XKR4: variants seen among roughly 807,000 people sequenced by gnomAD.
XKR4 encodes XK-related protein 4.
A neutral mutation model predicts 53.9 loss-of-function variants in XKR4; 12 were observed. That is an observed-to-expected ratio of 0.22 (90% CI 0.14 to 0.36). XKR4 has a LOEUF of 0.36. Ranked by LOEUF, XKR4 falls within the 10% of genes least tolerant of loss-of-function variation. The probability of loss-of-function intolerance (pLI) is 1.00; values close to 1 mark genes in which losing one functional copy is unlikely to be tolerated. For synonymous variants in XKR4, 354 were observed against 362.4 expected, an observed-to-expected ratio of 0.98 and a Z score of 0.26; for missense variants, 799 against 859.5, an observed-to-expected ratio of 0.93 and a Z score of 0.88.
chr8:55,498,140 A>G (rs1441438443), intron 2 of XKR4, among the ~76,000 whole-genome samples: 1 of 152,198 alleles, frequency 6.6e-6, no homozygotes, highest in Non-Finnish European at 1.5e-5. Flanking sequence ...TTGCTAAGAA[A>G]AGACCAAAAG....
intron 2 of XKR4, among the ~76,000 whole-genome samples, chr8:55,438,590 G>GCAAAAAA (rs1554525578): frequency 5.0e-5 from 5 of 100,366 alleles, no homozygotes; most frequent in African/African-American, 1.3e-4. Context: ...ACTCCATCTT[G>GCAAAAAA]AAAAAAAAAA....
Position 55,102,460 on chromosome 8 carries a change from G to C in XKR4, c.-29G>C, listed in dbSNP as rs2129349981. ...ACAGCGGGGAAAGGTGTCAGATAAA[G>C]GAGGGCTCTCCTCCGGTGTGGAGGC... On this transcript the variant is annotated 5_prime_UTR_variant, in exon 1 of 3. Transcript: ENST00000327381. The surrounding 1 kb of genome is among the most constrained non-coding windows in gnomAD (Gnocchi z 5.1). The C allele has an allele frequency of 6.5e-7, 1 of 1,533,368 alleles. No homozygotes were observed. The highest frequency in any genetic ancestry group is 2.7e-5 in the East Asian group (1 of 37,326). The allele number at this position is 1,533,368 out of a possible 1,614,324, so 95.0% of individuals were successfully genotyped here.
rs1005000021 is a variant in XKR4, at chr8:55,453,090, G to A, written c.1007-70191G>A. Reference sequence around the variant, plus strand: ...GGGCCTGATCCTCGGTGGGCTCCAGGTAAAGGACCCAGATATGAGTCTGCA... The same window carrying A: ...GGGCCTGATCCTCGGTGGGCTCCAGATAAAGGACCCAGATATGAGTCTGCA... On this transcript the variant is annotated intron_variant, in intron 2 of 2. Coordinates refer to ENST00000327381, the MANE Select transcript of XKR4 (RefSeq NM_052898.2). 5.3e-6 allele frequency: 3 copies of A among 562,558 alleles called. No individual in the cohort carries two copies. The African/African-American group carries it at 5.6e-5, about 10-fold the overall frequency. 34.8% of individuals were successfully genotyped at this position (562,558 alleles called of 1,614,324 possible).
intron 2 of XKR4, among the ~76,000 whole-genome samples, chr8:55,473,190 C>A (rs551205710): frequency 6.6e-6 from 1 of 152,156 alleles, no homozygotes; most frequent in East Asian, 1.9e-4. Context: ...CTGGGACCTT[C>A]TCTGCAAAAA....
At chr8:55,492,291 G>A (rs1040842481) in intron 2 of XKR4, among the ~76,000 whole-genome samples, 6 of 152,170 alleles carry the variant, frequency 3.9e-5, no homozygotes, top group African/African-American at 1.4e-4. Context: ...TATATATTTA[G>A]TAGGAGTTTC....
chr8:55,452,352 G>T, intron 2 of XKR4: 1 of 628,756 alleles, frequency 1.6e-6, no homozygotes, highest in Non-Finnish European at 2.9e-6. Flanking sequence ...CCCCACCAGG[G>T]GGTCTGTGAG....
chr8:55,381,261 C>T (rs1289602172), intron 2 of XKR4, among the ~76,000 whole-genome samples: 2 of 152,158 alleles, frequency 1.3e-5, no homozygotes, highest in Non-Finnish European at 2.9e-5. Context: ...TTTTCCTTCG[C>T]CTCTTTCTTT....
At chr8:55,190,655 G>A (rs989423126) in intron 1 of XKR4, among the ~76,000 whole-genome samples, 3 of 152,112 alleles carry the variant, frequency 2.0e-5, no homozygotes, top group Non-Finnish European at 4.4e-5. Context: ...GAATAAAAAT[G>A]TATTTGAAAA....
At chr8:55,372,307 A>T (rs1317469109) in intron 2 of XKR4, among the ~76,000 whole-genome samples, 1 of 152,208 alleles carries the variant, frequency 6.6e-6, no homozygotes, top group Non-Finnish European at 1.5e-5. Context: ...TTCACACCTT[A>T]GAGGAAACAG....
chr8:55,489,753 A>T (rs530019849), intron 2 of XKR4, among the ~76,000 whole-genome samples: 13 of 152,172 alleles, frequency 8.5e-5, no homozygotes, highest in Non-Finnish European at 1.6e-4. Flanking sequence ...GAATATAAAC[A>T]TATATTTTAA....
Position 55,523,893 on chromosome 8 carries a change from A to T in XKR4, c.1619A>T (p.Asp540Val). 1 of 1,614,154 alleles carries T rather than the reference A, an allele frequency of 6.2e-7. No homozygotes were observed. ...DPAAAFTLPPDVATSTLRSIS... is the reference protein window; with the variant it reads ...DPAAAFTLPPVVATSTLRSIS... ...GCCGCTGCCTTCACTTTGCCCCCAG[A>T]CGTGGCCACAAGCACCCTACGGTCC... is the stretch of plus-strand genomic sequence containing the variant. The change falls in exon 3 of 3, where the codon GAC (aspartate) becomes GTC (valine). Residue 540 changes from aspartate to valine, a missense_variant. This residue lies in a region of XKR4 where 269 missense variants were observed against 264.4 expected (regional missense o/e 1.02). Transcript: ENST00000327381.
At chr8:55,354,345 A>G (rs1380539813) in intron 1 of XKR4, among the ~76,000 whole-genome samples, 1 of 152,196 alleles carries the variant, frequency 6.6e-6, no homozygotes, top group Non-Finnish European at 1.5e-5. Flanking sequence ...TAATCCCATT[A>G]ACTAAGAAAC....
In XKR4 at chr8:55,541,939, G is replaced by T. The variant is rs1021989295; in HGVS notation, c.*17712G>T. On this transcript the variant is annotated 3_prime_UTR_variant, in exon 3 of 3. Transcript: ENST00000327381. ...ATAGTTATTTTGGTCTGTTAAGTAA[G>T]TTGCAATTTGTGATGAAATGAAGTG... 4.6e-5 allele frequency: 7 copies of T among 152,012 alleles called. No homozygotes were observed. The highest frequency in any genetic ancestry group is 1.0e-4 in the Non-Finnish European group (7 of 68,024). The allele number at this position is 152,012 out of a possible 1,614,324, so 9.4% of individuals were successfully genotyped here.
chr8:55,356,913 C>A (rs932155196), intron 1 of XKR4, among the ~76,000 whole-genome samples: 1 of 152,312 alleles, frequency 6.6e-6, no homozygotes, highest in East Asian at 1.9e-4. Context: ...TTATGATCCA[C>A]TTCAACTTAA....
chr8:55,164,913 C>G (rs1310499805), intron 1 of XKR4, among the ~76,000 whole-genome samples: 1 of 152,032 alleles, frequency 6.6e-6, no homozygotes, highest in East Asian at 1.9e-4. Flanking sequence ...GCTGCCTCAC[C>G]CTCCCTCTCC....
rs1160872780 is a variant in XKR4, at chr8:55,534,363, CTTTTTTTTT to C, written c.*10156_*10164del. 1.3e-4 allele frequency: 6 copies of C among 47,162 alleles called. No homozygotes were observed. The highest frequency in any genetic ancestry group is 8.6e-4 in the East Asian group (1 of 1,168). 2.9% of individuals were successfully genotyped at this position (47,162 alleles called of 1,614,324 possible). A position where few individuals can be genotyped will look rare whatever the true frequency, so the allele number is the denominator to read the frequency against. On this transcript the variant is annotated 3_prime_UTR_variant, in exon 3 of 3. Transcript: ENST00000327381. ...GCTCAAAGATCACGAATCTGATATT[CTTTTTTTTT>C]TTTTTTTTTTTTTTTTTTTGAGACA...
chr8:55,437,906 AC>A (rs1805199104), intron 2 of XKR4, among the ~76,000 whole-genome samples: 1 of 151,708 alleles, frequency 6.6e-6, no homozygotes, highest in Non-Finnish European at 1.5e-5. Flanking sequence ...CCCCAGCTAC[AC>A]CCCTTCAAGG....
intron 1 of XKR4, among the ~76,000 whole-genome samples, chr8:55,120,700 G>A (rs1452577021): frequency 6.6e-6 from 1 of 151,946 alleles, no homozygotes; most frequent in East Asian, 1.9e-4. Flanking sequence ...TGGTACGTTT[G>A]TTACAACTGA....
intron 2 of XKR4, among the ~76,000 whole-genome samples, chr8:55,475,855 C>A (rs866019635): frequency 2.0e-5 from 3 of 152,002 alleles, no homozygotes; most frequent in Non-Finnish European, 2.9e-5. Context: ...CCCTCCTCAG[C>A]CTCCCAAAGT....
Sources: gnomAD v4.1 joint callset for allele counts (sites outside exome capture counted in the v4.1 genomes callset) on GRCh38, gnomAD v4.1.1 for gene constraint, gnomAD v4.1.1 regional missense constraint, Gnocchi (gnomAD v3.1) non-coding constraint, MANE v1.5 for transcripts, NCBI Gene and HGNC (gene_info 2026-07-23, HGNC 2026-07-21) for gene names.